The following IBTK variants were observed in gnomAD, a reference collection of about 807,000 sequenced individuals.
IBTK encodes BTK-binding protein.
A neutral mutation model predicts 154.9 loss-of-function variants in IBTK; 83 were observed. The observed-to-expected ratio is 0.54, with a 90% CI of 0.45 to 0.64. The LOEUF is 0.64. Among genes scored for constraint, IBTK ranks in the 30% least tolerant of loss-of-function variants. The pLI is 0.00. For synonymous variants in IBTK, 515 were observed against 536.1 expected, an observed-to-expected ratio of 0.96 and a Z score of 0.54; for missense variants, 1,332 against 1,584.6, an observed-to-expected ratio of 0.84 and a Z score of 2.71.
chr6:82,238,437 T>A (rs1404457269), intron 2 of IBTK, among the ~76,000 whole-genome samples: 1 of 152,036 alleles, frequency 6.6e-6, no homozygotes, highest in Non-Finnish European at 1.5e-5. Context: ...AATTAAACAA[T>A]TTTAATGATT....
chr6:82,206,163 G>C (rs1171077151), intron 16 of IBTK, among the ~76,000 whole-genome samples: 1 of 152,174 alleles, frequency 6.6e-6, no homozygotes, highest in East Asian at 1.9e-4. Flanking sequence ...TTCCTGTTCA[G>C]ATCTTCCTCT....
rs1004241286 is a variant in IBTK, at chr6:82,170,183, T to C, written c.*1242A>G. 3 of 152,530 alleles carry C rather than the reference T, an allele frequency of 2.0e-5. No individual in the cohort carries two copies. Among genetic ancestry groups the C allele is most frequent in the Non-Finnish European group, 4.4e-5 (3 of 68,038 alleles). 9.4% of individuals were successfully genotyped at this position (152,530 alleles called of 1,614,324 possible). A position where few individuals can be genotyped will look rare whatever the true frequency, so the allele number is the denominator to read the frequency against. ...TGTAGCACATCAGAAAAAATAATTA[T>C]TAACTCTTTCCATAATAAATGTCAA... On this transcript the variant is annotated 3_prime_UTR_variant, in exon 29 of 29. Coordinates refer to ENST00000306270, the MANE Select transcript of IBTK (RefSeq NM_015525.4).
At chr6:82,231,233 T>G (rs1402698048) in intron 4 of IBTK, among the ~76,000 whole-genome samples, 1 of 152,102 alleles carries the variant, frequency 6.6e-6, no homozygotes, top group African/African-American at 2.4e-5. Context: ...GCTTGGAACC[T>G]AAAAACATTA....
chr6:82,237,313 A>C (rs765289198), intron 2 of IBTK, among the ~76,000 whole-genome samples: 10 of 152,058 alleles, frequency 6.6e-5, no homozygotes, highest in Non-Finnish European at 1.3e-4. Flanking sequence ...AGATGCTTTA[A>C]CTCTTACTAA....
chr6:82,240,482 C>T lies in IBTK; in HGVS notation c.5G>A (p.Ser2Asn), dbSNP rs1158831621. 2 of 1,609,906 alleles carry T rather than the reference C, an allele frequency of 1.2e-6. No individual in the cohort carries two copies. Among genetic ancestry groups the T allele is most frequent in the Middle Eastern group, 1.6e-4 (1 of 6,068 alleles). The change falls in exon 2 of 29, where the codon AGT becomes AAT. Residue 2 changes from serine to asparagine, a missense_variant. Physicochemically the swap from Ser to Asn is conservative, Grantham distance 46. Coordinates refer to ENST00000306270, the MANE Select transcript of IBTK (RefSeq NM_015525.4). M[S>N]SPMPDCTSKC... is the part of the protein sequence containing the mutation. ...TGATGTGCAGTCAGGCATGGGTGAA[C>T]TCATCCTAACTGTTTTTATACCACT... is the stretch of plus-strand genomic sequence containing the variant.
chr6:82,175,926 G>A (rs927797491), intron 26 of IBTK, among the ~76,000 whole-genome samples: 3 of 152,058 alleles, frequency 2.0e-5, no homozygotes, highest in African/African-American at 7.2e-5. Flanking sequence ...CTACTAGGGT[G>A]GCGGAGGCAG....
intron 4 of IBTK, among the ~76,000 whole-genome samples, chr6:82,229,562 C>G (rs1411445548): frequency 6.6e-6 from 1 of 152,046 alleles, no homozygotes; most frequent in African/African-American, 2.4e-5. Context: ...AAGGAGGAGT[C>G]TGAGGACCCA....
intron 25 of IBTK, among the ~76,000 whole-genome samples, chr6:82,183,730 T>C (rs780934306): frequency 1.3e-5 from 2 of 152,192 alleles, no homozygotes; most frequent in Non-Finnish European, 2.9e-5. Flanking sequence ...CAGGATAGTA[T>C]AAGCTAGGTC....
At chr6:82,189,385 A>G (rs1768675545) in intron 25 of IBTK, among the ~76,000 whole-genome samples, 1 of 152,186 alleles carries the variant, frequency 6.6e-6, no homozygotes, top group African/African-American at 2.4e-5. Context: ...ATGATTTCCA[A>G]TTTAGAATCC....
chr6:82,202,523 C>A lies in IBTK; in HGVS notation c.2729+5G>T, dbSNP rs751673820. On this transcript the variant is annotated splice_donor_5th_base_variant and intron_variant, in intron 18 of 28. Coordinates refer to ENST00000306270, the MANE Select transcript of IBTK (RefSeq NM_015525.4). ...ACAATCTTACAACATATGCACCTCACCTACCTTGCTTCAAGTAAAGCTGCC... is the reference window on the plus strand; with the variant it reads ...ACAATCTTACAACATATGCACCTCAACTACCTTGCTTCAAGTAAAGCTGCC... 1 of 1,499,428 alleles carries A rather than the reference C, an allele frequency of 6.7e-7. No individual in the cohort carries two copies. Among genetic ancestry groups the A allele is most frequent in the Non-Finnish European group, 9.3e-7 (1 of 1,078,584 alleles). 92.9% of individuals were successfully genotyped at this position (1,499,428 alleles called of 1,614,324 possible). A position where few individuals can be genotyped will look rare whatever the true frequency, so the allele number is the denominator to read the frequency against.
In IBTK at chr6:82,234,119, G is replaced by A. The variant is rs771763469; in HGVS notation, c.418+40C>T. 3.6e-5 allele frequency: 36 copies of A among 1,008,308 alleles called. No individual in the cohort carries two copies. The Middle Eastern group carries it at 3.3e-3, about 93-fold the overall frequency. 62.5% of individuals were successfully genotyped at this position (1,008,308 alleles called of 1,614,324 possible). On this transcript the variant is annotated intron_variant, in intron 3 of 28. Coordinates refer to ENST00000306270, the MANE Select transcript of IBTK (RefSeq NM_015525.4). ...CTACCAAATTGCTGGGATTACAGGTGTGAGCCGCAGCGCCCAGCCCATTTG... is the reference window on the plus strand; with the variant it reads ...CTACCAAATTGCTGGGATTACAGGTATGAGCCGCAGCGCCCAGCCCATTTG...
chr6:82,194,949 G>A (rs1768924975), intron 22 of IBTK, among the ~76,000 whole-genome samples: 1 of 152,050 alleles, frequency 6.6e-6, no homozygotes, highest in Non-Finnish European at 1.5e-5. Context: ...AATAAGACAT[G>A]AAGCAGTAAT....
chr6:82,186,785 A>T (rs1768572977), intron 25 of IBTK, among the ~76,000 whole-genome samples: 1 of 152,198 alleles, frequency 6.6e-6, no homozygotes, highest in African/African-American at 2.4e-5. Flanking sequence ...TTGGTCAGTT[A>T]GATAAATTTT....
intron 21 of IBTK, among the ~76,000 whole-genome samples, chr6:82,199,247 GTGTT>G: frequency 1.3e-5 from 2 of 152,164 alleles, no homozygotes; most frequent in East Asian, 3.9e-4. Flanking sequence ...GTGTGTGTGT[GTGTT>G]TGTGTGTGTG....
At chr6:82,172,316 C>T in intron 28 of IBTK, 64 bp downstream of exon 28, 2 of 1,515,722 alleles carry the variant, frequency 1.3e-6, no homozygotes, top group Middle Eastern at 1.8e-4. Context: ...ACACGATTTT[C>T]TTAAAACCTA....
At chr6:82,184,303 A>G (rs905161232) in intron 25 of IBTK, among the ~76,000 whole-genome samples, 4 of 152,242 alleles carry the variant, frequency 2.6e-5, no homozygotes, top group Non-Finnish European at 5.9e-5. Flanking sequence ...GCTCCTCAGC[A>G]AAAGAAGCCC....
chr6:82,175,478 T>C lies in IBTK; in HGVS notation c.3726-2040A>G, dbSNP rs181513257. On this transcript the variant is annotated intron_variant, in intron 26 of 28. Transcript: ENST00000306270. ...CCACTCATGATGTTTCAACGGATAA[T>C]TTCATTAATTACAAATTTATCCAAT... 2.7e-3 allele frequency among the ~76,000 whole-genome samples: 409 copies of C among 152,340 alleles called. 1 individual carries two copies. Among genetic ancestry groups the C allele is most frequent in the Middle Eastern group, 6.8e-3 (2 of 294 alleles).
intron 13 of IBTK, 112 bp from the exon 14 acceptor site, chr6:82,211,684 A>G (rs1170381486): frequency 2.6e-6 from 2 of 781,216 alleles, no homozygotes; most frequent in African/African-American, 3.5e-5. Context: ...CAGAGAATAA[A>G]TAACTTGCAG....
Position 82,224,147 on chromosome 6 carries a change from G to A in IBTK, c.864C>T (p.Gly288=), listed in dbSNP as rs780507292. 7 of 1,613,690 alleles carry A rather than the reference G, an allele frequency of 4.3e-6. No individual in the cohort carries two copies. The highest frequency in any genetic ancestry group is 4.0e-5 in the African/African-American group (3 of 74,898). ...AKYLKGRTII[G]VAAGRFHTVL... is the part of the protein sequence containing the mutation. ...CTGTATGAAACCTGCCTGCTGCAAC[G>A]CCAATGATTGTCCTTCCTTTCAGAT... is the stretch of plus-strand genomic sequence containing the variant. The change falls in exon 7 of 29, where the codon GGC becomes GGT. Residue 288 remains glycine (G), a synonymous_variant. Coordinates refer to ENST00000306270, the MANE Select transcript of IBTK (RefSeq NM_015525.4).
Sources: gnomAD v4.1 joint callset for allele counts (sites outside exome capture counted in the v4.1 genomes callset) on GRCh38, gnomAD v4.1.1 for gene constraint, MANE v1.5 for transcripts, NCBI Gene and HGNC (gene_info 2026-07-23, HGNC 2026-07-21) for gene names.